SLC30A4: variants seen among roughly 807,000 people sequenced by gnomAD.
The protein encoded by SLC30A4 is solute carrier family 30 member 4, also known as probable proton-coupled zinc antiporter SLC30A4.
In SLC30A4, 20 loss-of-function variants were observed where a neutral mutation model predicts 41.7. The observed-to-expected ratio is 0.48, with a 90% CI of 0.34 to 0.70. The LOEUF is 0.70. Ranked by LOEUF, SLC30A4 falls within the 30% of genes least tolerant of loss-of-function variation. The pLI is 0.01. For missense variants in SLC30A4, 441 were observed against 529.3 expected, an observed-to-expected ratio of 0.83 and a Z score of 1.64; for synonymous variants, 181 against 195.9, an observed-to-expected ratio of 0.92 and a Z score of 0.64.
intron 3 of SLC30A4, among the ~76,000 whole-genome samples, chr15:45,500,614 G>GTCTATCTATCTA (rs10593774): frequency 7.4e-5 from 11 of 149,626 alleles, no homozygotes; most frequent in East Asian, 5.9e-4. Flanking sequence ...TTAAGGGTCT[G>GTCTATCTATCTA]TCTATCTATC....
chr15:45,513,187 T>C (rs1230095667), intron 2 of SLC30A4, among the ~76,000 whole-genome samples: 1 of 151,276 alleles, frequency 6.6e-6, no homozygotes, highest in Non-Finnish European at 1.5e-5. Flanking sequence ...AACTAAGGAA[T>C]TTAATTAATT....
chr15:45,497,454 G>C (rs1225334180), intron 3 of SLC30A4, among the ~76,000 whole-genome samples: 4 of 152,178 alleles, frequency 2.6e-5, no homozygotes, highest in African/African-American at 9.7e-5. Flanking sequence ...TGGAGCATGA[G>C]AGGAGGGAGT....
chr15:45,510,472 G>C (rs1407765421), intron 3 of SLC30A4, among the ~76,000 whole-genome samples: 1 of 152,102 alleles, frequency 6.6e-6, no homozygotes, highest in Non-Finnish European at 1.5e-5. Flanking sequence ...GTCAACTTTT[G>C]GGTTCTACTT....
rs189395527 is a variant in SLC30A4, at chr15:45,514,735, G to A, written c.392-3451C>T. On this transcript the variant is annotated intron_variant, in intron 2 of 7. Transcript: ENST00000261867. ...TCATCATGTTGGCCAGGCTGGTCTC[G>A]AACCCCTAACCTCAGGTGATCTGCC... Among the ~76,000 whole-genome samples the A allele has an allele frequency of 6.7e-3, 1,012 of 151,878 alleles. 2 individuals carry two copies. The highest frequency in any genetic ancestry group is 0.011 in the Non-Finnish European group (776 of 67,974).
chr15:45,485,009 T>C lies in SLC30A4; in HGVS notation c.*154A>G, dbSNP rs906546295. On this transcript the variant is annotated 3_prime_UTR_variant, in exon 8 of 8. Transcript: ENST00000261867. ...TCTCCTTTTACCATTAAACAGAGAC[T>C]AGCACTGTCAGGCTGGGGCAACTGT... The C allele has an allele frequency of 1.3e-5, 8 of 604,320 alleles. No individual in the cohort carries two copies. The African/African-American group carries it at 1.5e-4, about 11-fold the overall frequency. The allele number at this position is 604,320 out of a possible 1,614,324, so 37.4% of individuals were successfully genotyped here. A position where few individuals can be genotyped will look rare whatever the true frequency, so the allele number is the denominator to read the frequency against.
chr15:45,493,692 G>A (rs1891853445), intron 3 of SLC30A4, among the ~76,000 whole-genome samples: 1 of 152,122 alleles, frequency 6.6e-6, no homozygotes, highest in Non-Finnish European at 1.5e-5. Context: ...TGGGCGTGGT[G>A]GCGGGCCCCT....
At chr15:45,518,240 C>T (rs1892552193) in intron 2 of SLC30A4, among the ~76,000 whole-genome samples, 1 of 152,076 alleles carries the variant, frequency 6.6e-6, no homozygotes, top group Non-Finnish European at 1.5e-5. Flanking sequence ...TGTACCTGGT[C>T]CATGCATAAA....
In SLC30A4 at chr15:45,487,576, A is replaced by G. The variant is rs1207479104; in HGVS notation, c.951T>C (p.Ala317=). ...ICTYVFSLLV[A]FTTFRIIWDT... is the part of the protein sequence containing the mutation. The stretch of plus-strand genomic sequence containing the variant: ...CCCATATGATTCGAAATGTTGTAAA[A>G]GCCACAAGTAATGAAAATACGTATG... The change falls in exon 6 of 8, where the codon GCT becomes GCC. Residue 317 remains alanine (A), a synonymous_variant. Transcript: ENST00000261867. 6.3e-7 allele frequency: 1 copy of G among 1,582,330 alleles called. No homozygotes were observed. Among genetic ancestry groups the G allele is most frequent in the East Asian group, 2.2e-5 (1 of 44,634 alleles).
At chr15:45,488,734 T>G (rs1891753300) in intron 5 of SLC30A4, 107 bp downstream of exon 5, 7 of 796,684 alleles carry the variant, frequency 8.8e-6, no homozygotes, top group Non-Finnish European at 2.0e-6. Context: ...CAATGTAAAA[T>G]GAATAGAACT....
intron 3 of SLC30A4, among the ~76,000 whole-genome samples, chr15:45,491,127 A>T (rs775647115): frequency 2.0e-5 from 3 of 151,882 alleles, no homozygotes; most frequent in Non-Finnish European, 2.9e-5. Context: ...GGCTCAAGTG[A>T]TCCTCCCATC....
intron 2 of SLC30A4, among the ~76,000 whole-genome samples, chr15:45,520,030 GT>G (rs1451687185): frequency 2.0e-5 from 3 of 152,104 alleles, no homozygotes; most frequent in African/African-American, 7.2e-5. Flanking sequence ...AATTCAACAA[GT>G]TTATTGAGTA....
At chr15:45,509,583 G>A (rs1892236896) in intron 3 of SLC30A4, among the ~76,000 whole-genome samples, 1 of 152,044 alleles carries the variant, frequency 6.6e-6, no homozygotes, top group Non-Finnish European at 1.5e-5. Flanking sequence ...TTATGCAGTA[G>A]CTTAACAAAA....
chr15:45,521,755 A>G (rs1401131476), intron 2 of SLC30A4: 2 of 526,350 alleles, frequency 3.8e-6, no homozygotes, highest in Non-Finnish European at 6.6e-6. Flanking sequence ...AACAACTAGA[A>G]GAGAAAGTCA....
rs958695134 is a variant in SLC30A4 at position 45,486,487 on chromosome 15, G to C, written c.1135+124C>G. On this transcript the variant is annotated intron_variant, in intron 7 of 7. Transcript: ENST00000261867. ...AAGCCTTTGTTTTTTAAAGACAAAG[G>C]CTTTTGTCTTAAAACAAATCTTTTC... is the stretch of plus-strand genomic sequence containing the variant. 3.0e-5 allele frequency: 26 copies of C among 875,880 alleles called. No individual in the cohort carries two copies. In the Admixed American group the frequency reaches 6.2e-4, roughly 21 times the overall value. The allele number at this position is 875,880 out of a possible 1,614,324, so 54.3% of individuals were successfully genotyped here.
intron 7 of SLC30A4, 95 bp downstream of exon 7, chr15:45,486,516 A>C: frequency 8.8e-7 from 1 of 1,136,720 alleles, no homozygotes; most frequent in South Asian, 1.7e-5. Context: ...TCTTTTCAGC[A>C]GAAAAGTCTT....
rs1277001570 is a variant in SLC30A4, at chr15:45,482,413, C to G, written c.*2750G>C. 6.8e-6 allele frequency: 1 copy of G among 146,468 alleles called. No individual in the cohort carries two copies. The highest frequency in any genetic ancestry group is 1.5e-5 in the Non-Finnish European group (1 of 66,808). The allele number at this position is 146,468 out of a possible 1,614,324, so 9.1% of individuals were successfully genotyped here. ...AGCCTGGGTGACAGTGAGACACCAT[C>G]TTAAAAAAAAAAAAAGAATTCTTTT... is the stretch of plus-strand genomic sequence containing the variant. On this transcript the variant is annotated 3_prime_UTR_variant, in exon 8 of 8. Coordinates refer to ENST00000261867, the MANE Select transcript of SLC30A4 (RefSeq NM_013309.6).
In SLC30A4 at chr15:45,511,284, C is replaced by T; in HGVS notation, c.392G>A (p.Gly131Asp). The T allele has an allele frequency of 6.4e-7, 1 of 1,552,984 alleles. No individual in the cohort carries two copies. Among genetic ancestry groups the T allele is most frequent in the Non-Finnish European group, 8.7e-7 (1 of 1,150,794 alleles). The change falls in exon 3 of 8, where the codon GGT becomes GAT. Residue 131 changes from glycine to aspartate, a missense_variant and splice_region_variant. Physicochemically the swap from Gly to Asp is moderately conservative, Grantham distance 94. This residue lies in a region of SLC30A4 where 312 missense variants were observed against 341.9 expected (regional missense o/e 0.91). Coordinates refer to ENST00000261867, the MANE Select transcript of SLC30A4 (RefSeq NM_013309.6). ...YLLFMIGELV[G>D]GYIANSLAIM... ...TGCTAGGCTATTTGCAATGTATCCA[C>T]CTTAGAGTTACAAGTAGGAGAAAAA...
At position 45,481,923 on chromosome 15, in the gene SLC30A4, T is replaced by C. The variant is rs185614651; in HGVS notation, c.*3240A>G. 2.0e-5 allele frequency: 3 copies of C among 152,008 alleles called. 1 individual carries two copies. The highest frequency in any genetic ancestry group is 1.3e-4 in the Admixed American group (2 of 15,234). 9.4% of individuals were successfully genotyped at this position (152,008 alleles called of 1,614,324 possible). ...TAAGCAGAACACGATAGTTAAGATT[T>C]ACAGAAGTTTTCATGGCTGGGTGCG... On this transcript the variant is annotated 3_prime_UTR_variant, in exon 8 of 8. Transcript: ENST00000261867.
intron 3 of SLC30A4, among the ~76,000 whole-genome samples, chr15:45,491,801 C>T (rs1049692697): frequency 2.6e-5 from 4 of 151,262 alleles, no homozygotes; most frequent in African/African-American, 9.7e-5. Flanking sequence ...CCCAGGAGGT[C>T]GAGGCTGCAG....
Sources: allele counts gnomAD v4.1 joint callset (sites outside exome capture counted in the v4.1 genomes callset), GRCh38; gene constraint gnomAD v4.1.1; regional missense constraint gnomAD v4.1.1; transcripts MANE v1.5; gene names NCBI Gene and HGNC (gene_info 2026-07-23, HGNC 2026-07-21).